SUGCT: variants seen among roughly 807,000 people sequenced by gnomAD.
SUGCT encodes the protein succinyl-CoA:glutarate CoA-transferase.
Under a neutral mutation model 55.0 loss-of-function variants are expected in SUGCT, and 41 were observed. The ratio of observed to expected loss-of-function variants is 0.74; its 90% confidence interval spans 0.58 to 0.97. SUGCT has a LOEUF of 0.97. Among genes scored for constraint, SUGCT ranks in the 50% least tolerant of loss-of-function variants. The pLI is 0.00. For synonymous variants in SUGCT, 187 were observed against 200.4 expected (o/e 0.93, Z 0.56); for missense variants, 568 against 547.8 (o/e 1.04, Z -0.37).
At chr7:40,717,244 C>G (rs577128814) in intron 12 of SUGCT, among the ~76,000 whole-genome samples, 1 of 152,220 alleles carries the variant, frequency 6.6e-6, no homozygotes. Context: ...TCTTGTCACA[C>G]GACCAGGAAA....
At chr7:40,344,895 G>A (rs11770113) in intron 9 of SUGCT, among the ~76,000 whole-genome samples, 90,782 of 151,970 alleles carry the variant, frequency 0.6, 27,382 homozygotes, top group South Asian at 0.71. Flanking sequence ...AAAATGTAAC[G>A]TTTTTGAAAG....
chr7:40,999,671 G>T, the SUGCT span, among the ~76,000 whole-genome samples: 2 of 152,110 alleles, frequency 1.3e-5, no homozygotes, highest in Non-Finnish European at 2.9e-5. Flanking sequence ...TGAGATTCCA[G>T]TGGGGCCAGA....
At chr7:40,253,623 C>A (rs1790594878) in intron 7 of SUGCT, among the ~76,000 whole-genome samples, 1 of 151,952 alleles carries the variant, frequency 6.6e-6, no homozygotes, top group Admixed American at 6.6e-5. Context: ...AGTGCAGTGG[C>A]TCCACCTGTG....
At chr7:40,196,641 G>T (rs1026485971) in intron 6 of SUGCT, among the ~76,000 whole-genome samples, 1 of 152,136 alleles carries the variant, frequency 6.6e-6, no homozygotes, top group Non-Finnish European at 1.5e-5. Flanking sequence ...AGCTACTGGC[G>T]AAGAGGGTTT....
intron 8 of SUGCT, among the ~76,000 whole-genome samples, chr7:40,281,828 TG>T (rs140004297): frequency 0.3 from 45,227 of 151,922 alleles, 7,059 homozygotes; most frequent in East Asian, 0.46. Context: ...TTGTTTTAGA[TG>T]TTTTTTTGGA....
At chr7:40,479,200 A>G (rs1331233641) in intron 11 of SUGCT, among the ~76,000 whole-genome samples, 1 of 152,176 alleles carries the variant, frequency 6.6e-6, no homozygotes, top group Non-Finnish European at 1.5e-5. Context: ...ATGAGAGTGA[A>G]GATATCTCTT....
intron 11 of SUGCT, among the ~76,000 whole-genome samples, chr7:40,466,664 A>G (rs1224501070): frequency 2.0e-5 from 3 of 152,208 alleles, no homozygotes; most frequent in Admixed American, 6.5e-5. Context: ...TGGGCAAGGT[A>G]TCCAAGTGTG....
intron 10 of SUGCT, among the ~76,000 whole-genome samples, chr7:40,451,374 A>G (rs1298026847): frequency 1.3e-5 from 2 of 152,196 alleles, no homozygotes; most frequent in African/African-American, 4.8e-5. Context: ...CTTCCTCATA[A>G]ATATCCATAA....
the SUGCT span, among the ~76,000 whole-genome samples, chr7:40,877,159 T>C: frequency 6.6e-6 from 1 of 152,216 alleles, no homozygotes; most frequent in Non-Finnish European, 1.5e-5. Context: ...CCAAAGCATG[T>C]GCCCAAATGA....
the SUGCT span, among the ~76,000 whole-genome samples, chr7:40,903,021 T>TCTTTC: frequency 7.1e-6 from 1 of 141,546 alleles, no homozygotes; most frequent in East Asian, 2.0e-4. Context: ...TTCTTTCATT[T>TCTTTC]CTTTTCTTTT....
chr7:40,899,031 T>A, the SUGCT span, among the ~76,000 whole-genome samples: 889 of 152,212 alleles, frequency 5.8e-3, 5 homozygotes, highest in African/African-American at 0.021. Context: ...TTGTTATTCC[T>A]TCTTCCCCAA....
chr7:40,728,929 G>A (rs562805653), intron 12 of SUGCT, among the ~76,000 whole-genome samples: 1 of 152,230 alleles, frequency 6.6e-6, no homozygotes, highest in African/African-American at 2.4e-5. Flanking sequence ...TCAGTGTTTT[G>A]TAAGTCATAT....
At chr7:40,421,944 T>A (rs984574623) in intron 9 of SUGCT, among the ~76,000 whole-genome samples, 2 of 152,168 alleles carry the variant, frequency 1.3e-5, no homozygotes, top group African/African-American at 4.8e-5. Flanking sequence ...GCCCCAACTC[T>A]TTCCCTTAGG....
chr7:40,902,290 C>T, the SUGCT span, among the ~76,000 whole-genome samples: 1 of 152,042 alleles, frequency 6.6e-6, no homozygotes, highest in African/African-American at 2.4e-5. Flanking sequence ...TTAAAAAAAT[C>T]AAAACCAGCC....
intron 13 of SUGCT, chr7:40,782,567 A>G (rs564252696): frequency 1.3e-5 from 2 of 152,300 alleles, no homozygotes; most frequent in East Asian, 3.9e-4. Context: ...CACCACATTT[A>G]GGTCATTGTC....
chr7:40,712,636 G>C (rs952158884), intron 12 of SUGCT, among the ~76,000 whole-genome samples: 30 of 152,206 alleles, frequency 2.0e-4, no homozygotes, highest in African/African-American at 7.0e-4. Flanking sequence ...GTATTTCTTA[G>C]AACTACCAGT....
At chr7:40,451,140 A>AACT (rs1187556013) in intron 10 of SUGCT, among the ~76,000 whole-genome samples, 3 of 152,204 alleles carry the variant, frequency 2.0e-5, no homozygotes, top group South Asian at 4.1e-4. Context: ...TGCGTACTCT[A>AACT]ACTGCAGAGA....
intron 12 of SUGCT, among the ~76,000 whole-genome samples, chr7:40,532,464 C>G (rs1291949250): frequency 6.6e-6 from 1 of 151,558 alleles, no homozygotes; most frequent in African/African-American, 2.4e-5. Flanking sequence ...TCTTAAGACC[C>G]AGTAAATTCT....
chr7:40,266,440 C>A (rs1040628912), intron 7 of SUGCT, among the ~76,000 whole-genome samples: 1 of 151,786 alleles, frequency 6.6e-6, no homozygotes, highest in African/African-American at 2.4e-5. Context: ...TGAGCCACTG[C>A]GCCTGGCCTG....
Sources: allele counts gnomAD v4.1 joint callset (sites outside exome capture counted in the v4.1 genomes callset), GRCh38; gene constraint gnomAD v4.1.1; transcripts MANE v1.5; gene names NCBI Gene and HGNC (gene_info 2026-07-23, HGNC 2026-07-21).